NTM: variants seen among roughly 807,000 people sequenced by gnomAD.
NTM encodes neurotrimin.
NTM carries 13 observed loss-of-function variants against 42.1 expected under a neutral mutation model. The observed-to-expected ratio is 0.31, with a 90% confidence interval of 0.20 to 0.49. The LOEUF (loss-of-function observed/expected upper bound fraction) is 0.49. NTM is among the 20% of genes least tolerant of loss of function. The pLI, the probability that NTM is intolerant of heterozygous loss-of-function variation, is 0.99. For synonymous variants in NTM, 187 were observed against 179.2 expected, an observed-to-expected ratio of 1.04 and a Z score of -0.35; for missense variants, 373 against 452.8, an observed-to-expected ratio of 0.82 and a Z score of 1.60.
At chr11:132,038,030 G>A (rs2076718391) in intron 2 of NTM, among the ~76,000 whole-genome samples, 1 of 152,246 alleles carries the variant, frequency 6.6e-6, no homozygotes, top group Non-Finnish European at 1.5e-5. Flanking sequence ...GACCGTGCAT[G>A]TGTGCACACA....
At chr11:131,789,648 G>GAAGAAGAAGAAGAAGAGGAAGAAGAA (rs2090525805) in intron 1 of NTM, among the ~76,000 whole-genome samples, 1 of 134,966 alleles carries the variant, frequency 7.4e-6, no homozygotes. Flanking sequence ...AGAAGAAGAA[G>GAAGAAGAAGAAGAAGAGGAAGAAGAA]AAGAAGAAGA....
intron 1 of NTM, among the ~76,000 whole-genome samples, chr11:131,808,155 T>C (rs1003817079): frequency 1.3e-5 from 2 of 152,150 alleles, no homozygotes; most frequent in Non-Finnish European, 2.9e-5. Flanking sequence ...TGAAATGGGA[T>C]TTATTATCTG....
At chr11:131,536,127 C>A (rs2052161194) in intron 1 of NTM, 1 of 152,170 alleles carries the variant, frequency 6.6e-6, no homozygotes, top group Admixed American at 6.5e-5. Flanking sequence ...TGGGTACTTG[C>A]ACCCCAACAG....
intron 1 of NTM, among the ~76,000 whole-genome samples, chr11:131,876,834 C>G (rs914032047): frequency 6.6e-6 from 1 of 151,724 alleles, no homozygotes; most frequent in African/African-American, 2.4e-5. Flanking sequence ...GAGGAGAAGG[C>G]ATAGTTTTAT....
At chr11:132,327,217 C>T (rs1165621104) in intron 7 of NTM, among the ~76,000 whole-genome samples, 2 of 152,202 alleles carry the variant, frequency 1.3e-5, no homozygotes, top group Admixed American at 1.3e-4. Flanking sequence ...GCAAACTCAG[C>T]GGCTCCGTGG....
intron 1 of NTM, among the ~76,000 whole-genome samples, chr11:131,819,407 C>A (rs2093085275): frequency 6.6e-6 from 1 of 152,186 alleles, no homozygotes; most frequent in Non-Finnish European, 1.5e-5. Context: ...CTCAGATAAA[C>A]CACACATCCT....
At chr11:132,155,667 G>A (rs1434974277) in intron 3 of NTM, among the ~76,000 whole-genome samples, 2 of 152,208 alleles carry the variant, frequency 1.3e-5, no homozygotes. Flanking sequence ...CCTAAAACCT[G>A]GATTTCACAG....
intron 1 of NTM, among the ~76,000 whole-genome samples, chr11:131,378,466 CAG>C (rs1226060426): frequency 6.6e-6 from 1 of 152,192 alleles, no homozygotes; most frequent in Non-Finnish European, 1.5e-5. Flanking sequence ...GACGAATGAA[CAG>C]AGTCAGAACA....
rs145400459 is a variant in NTM, at chr11:131,391,864, C to G, written c.82+20976C>G. On this transcript the variant is annotated intron_variant, in intron 1 of 8. Coordinates refer to ENST00000683400, the MANE Select transcript of NTM (RefSeq NM_001352005.2). The stretch of plus-strand genomic sequence containing the variant: ...AGGGTCCAAGCCAGGGAGGGAGTAG[C>G]GGGGAGTGGAGGAGGAAAGAAGGCT... Among the ~76,000 whole-genome samples, 16 of 151,666 alleles carry G rather than the reference C, an allele frequency of 1.1e-4. No individual in the cohort carries two copies. In the South Asian group the frequency reaches 3.2e-3, roughly 30 times the overall value.
At chr11:131,539,377 T>A (rs1279191897) in intron 1 of NTM, 2 of 152,178 alleles carry the variant, frequency 1.3e-5, no homozygotes, top group African/African-American at 4.8e-5. Flanking sequence ...GGGAAGAGCA[T>A]GTAGGCGAAT....
intron 1 of NTM, among the ~76,000 whole-genome samples, chr11:131,817,533 T>C (rs1487820998): frequency 6.6e-6 from 1 of 152,202 alleles, no homozygotes; most frequent in African/African-American, 2.4e-5. Context: ...TCCCAGCAGA[T>C]TCACTGCTGC....
At chr11:131,852,300 T>C (rs765990933) in intron 1 of NTM, among the ~76,000 whole-genome samples, 3 of 152,182 alleles carry the variant, frequency 2.0e-5, no homozygotes, top group Non-Finnish European at 4.4e-5. Context: ...GTCACCTTAA[T>C]CTCCTGCCTG....
intron 1 of NTM, among the ~76,000 whole-genome samples, chr11:131,499,476 C>G (rs371227253): frequency 1.3e-5 from 2 of 152,206 alleles, no homozygotes; most frequent in African/African-American, 4.8e-5. Context: ...CAACTGCCTG[C>G]AGAAGGTCTC....
intron 2 of NTM, among the ~76,000 whole-genome samples, chr11:132,118,872 G>C (rs1206937211): frequency 2.0e-5 from 3 of 152,100 alleles, no homozygotes; most frequent in Admixed American, 6.5e-5. Flanking sequence ...GGGATTTTGT[G>C]GTACCATAAT....
At chr11:132,249,445 T>C (rs1292214958) in intron 4 of NTM, among the ~76,000 whole-genome samples, 1 of 152,196 alleles carries the variant, frequency 6.6e-6, no homozygotes, top group Non-Finnish European at 1.5e-5. Flanking sequence ...GCCACCCACC[T>C]GCAGGAGATG....
In NTM at chr11:132,046,326, A is replaced by G. The variant is rs188005629; in HGVS notation, c.168-99956A>G. Among the ~76,000 whole-genome samples, 284 of 142,542 alleles carry G rather than the reference A, an allele frequency of 2.0e-3. 1 individual carries two copies. The Middle Eastern group carries it at 0.027, about 14-fold the overall frequency. 93.5% of individuals were successfully genotyped at this position (142,542 alleles called of 152,430 possible). A position where few individuals can be genotyped will look rare whatever the true frequency, so the allele number is the denominator to read the frequency against. On this transcript the variant is annotated intron_variant, in intron 2 of 8. Coordinates refer to ENST00000683400, the MANE Select transcript of NTM (RefSeq NM_001352005.2). ...ATTTATTTTTTGTTGAAGGCATTCA[A>G]TAGATATTTGTTAAATTGAACTAAC... is the stretch of plus-strand genomic sequence containing the variant.
At chr11:131,476,116 T>C (rs1443869693) in intron 1 of NTM, among the ~76,000 whole-genome samples, 1 of 152,214 alleles carries the variant, frequency 6.6e-6, no homozygotes, top group Non-Finnish European at 1.5e-5. Flanking sequence ...CTTCTTAGTC[T>C]GTGCAAGGTG....
chr11:131,471,808 G>T (rs952928181), intron 1 of NTM, among the ~76,000 whole-genome samples: 1 of 152,178 alleles, frequency 6.6e-6, no homozygotes, highest in Non-Finnish European at 1.5e-5. Context: ...TGGGGACTGG[G>T]GTTGTAGGGA....
At chr11:132,333,162 G>A (rs1330755201) in intron 8 of NTM, among the ~76,000 whole-genome samples, 1 of 152,084 alleles carries the variant, frequency 6.6e-6, no homozygotes, top group Non-Finnish European at 1.5e-5. Context: ...ATATGAATGT[G>A]AACACTCACA....
Sources: allele counts gnomAD v4.1 joint callset (sites outside exome capture counted in the v4.1 genomes callset), GRCh38; gene constraint gnomAD v4.1.1; transcripts MANE v1.5; gene names NCBI Gene and HGNC (gene_info 2026-07-23, HGNC 2026-07-21).